The following PDE10A variants were observed in gnomAD, a reference collection of about 807,000 sequenced individuals.
PDE10A encodes the protein cAMP and cAMP-inhibited cGMP 3',5'-cyclic phosphodiesterase 10A.
Under a neutral mutation model 97.7 loss-of-function variants are expected in PDE10A, and 39 were observed. The ratio of observed to expected loss-of-function variants is 0.40; its 90% CI spans 0.31 to 0.52. The LOEUF (loss-of-function observed/expected upper bound fraction) is 0.52. Among genes scored for constraint, PDE10A ranks in the 20% least tolerant of loss-of-function variants. The probability of loss-of-function intolerance (pLI) is 0.56; values close to 1 mark genes in which losing one functional copy is unlikely to be tolerated. For synonymous variants in PDE10A, 371 were observed against 376.8 expected, an observed-to-expected ratio of 0.98 and a Z score of 0.18; for missense variants, 731 against 1,047.8, an observed-to-expected ratio of 0.70 and a Z score of 4.17.
chr6:165,460,571 A>G (rs993450652), intron 3 of PDE10A, among the ~76,000 whole-genome samples: 53 of 152,278 alleles, frequency 3.5e-4, no homozygotes, highest in African/African-American at 1.1e-3. Context: ...CATTTCCATC[A>G]TTTCTCTACA....
chr6:165,826,962 C>G (rs1779777781), intron 1 of PDE10A, among the ~76,000 whole-genome samples: 1 of 151,690 alleles, frequency 6.6e-6, no homozygotes, highest in African/African-American at 2.4e-5. Context: ...GAAGTGGGGA[C>G]AGAGGGACAT....
intron 2 of PDE10A, among the ~76,000 whole-genome samples, chr6:165,513,393 T>C (rs540413483): frequency 6.6e-6 from 1 of 152,268 alleles, no homozygotes; most frequent in Non-Finnish European, 1.5e-5. Flanking sequence ...CATCGATTTG[T>C]ATGCCTATCT....
chr6:165,896,712 G>T (rs796274778), intron 1 of PDE10A, among the ~76,000 whole-genome samples: 3 of 152,182 alleles, frequency 2.0e-5, no homozygotes, highest in African/African-American at 7.2e-5. Flanking sequence ...TTTTAGTAGA[G>T]ATGGGGTTTC....
intron 1 of PDE10A, among the ~76,000 whole-genome samples, chr6:165,645,252 G>A (rs6906819): frequency 0.15 from 23,091 of 152,068 alleles, 1,867 homozygotes; most frequent in South Asian, 0.25. Context: ...CCTCCTGAGC[G>A]GGGGCCTGCT....
intron 1 of PDE10A, among the ~76,000 whole-genome samples, chr6:165,706,291 TC>T (rs1441360668): frequency 2.6e-5 from 4 of 152,196 alleles, no homozygotes; most frequent in African/African-American, 9.6e-5. Flanking sequence ...TTTGCCTTAA[TC>T]CTATGCTTAC....
intron 1 of PDE10A, among the ~76,000 whole-genome samples, chr6:165,796,006 C>A (rs1227007798): frequency 6.6e-6 from 1 of 150,932 alleles, no homozygotes; most frequent in Non-Finnish European, 1.5e-5. Flanking sequence ...CATCTGAAGT[C>A]TTTGCTCATG....
At chr6:165,333,843 G>A (rs1177588344) in intron 21 of PDE10A, among the ~76,000 whole-genome samples, 1 of 152,208 alleles carries the variant, frequency 6.6e-6, no homozygotes, top group Non-Finnish European at 1.5e-5. Context: ...TACCCTGGCA[G>A]AGCTCTTAGC....
chr6:165,636,886 G>C (rs564391069), intron 1 of PDE10A, among the ~76,000 whole-genome samples: 2 of 152,186 alleles, frequency 1.3e-5, no homozygotes, highest in South Asian at 4.1e-4. Flanking sequence ...GCCACTTTTA[G>C]TATCTGTAAA....
intron 1 of PDE10A, among the ~76,000 whole-genome samples, chr6:165,700,196 C>G (rs1294256182): frequency 6.6e-6 from 1 of 152,000 alleles, no homozygotes; most frequent in Non-Finnish European, 1.5e-5. Context: ...AGAAACCAGT[C>G]ACAAGAGACC....
At chr6:165,774,035 C>A (rs1269264840) in intron 1 of PDE10A, among the ~76,000 whole-genome samples, 1 of 151,902 alleles carries the variant, frequency 6.6e-6, no homozygotes, top group Non-Finnish European at 1.5e-5. Context: ...TTTCAATTGT[C>A]TGGAAAATTC....
intron 1 of PDE10A, among the ~76,000 whole-genome samples, chr6:165,626,366 T>C (rs760341521): frequency 6.6e-6 from 1 of 152,234 alleles, no homozygotes; most frequent in South Asian, 2.1e-4. Context: ...ACCTCCACTG[T>C]AGAAAACATG....
intron 1 of PDE10A, among the ~76,000 whole-genome samples, chr6:165,752,376 G>A (rs2934843): frequency 0.57 from 86,015 of 151,924 alleles, 27,848 homozygotes; most frequent in Non-Finnish European, 0.72. Context: ...CAAAGTGAGC[G>A]AGCTGGCCTC....
chr6:165,838,505 A>G (rs1215378267), intron 1 of PDE10A, among the ~76,000 whole-genome samples: 1 of 152,212 alleles, frequency 6.6e-6, no homozygotes, highest in Non-Finnish European at 1.5e-5. Context: ...ACCACTATCT[A>G]CTTCCAAAAC....
intron 1 of PDE10A, among the ~76,000 whole-genome samples, chr6:165,823,306 GACAC>G (rs1779624889): frequency 6.7e-6 from 1 of 149,078 alleles, no homozygotes; most frequent in Non-Finnish European, 1.5e-5. Flanking sequence ...GAAAAACTAA[GACAC>G]ACACACAGCC....
intron 3 of PDE10A, among the ~76,000 whole-genome samples, chr6:165,463,126 G>A (rs2322927): frequency 0.028 from 4,251 of 152,226 alleles, 194 homozygotes; most frequent in African/African-American, 0.095. Context: ...CTCAGTCTGC[G>A]AGCCACAGCC....
chr6:165,438,591 A>G (rs376816572), intron 5 of PDE10A, among the ~76,000 whole-genome samples: 5 of 152,224 alleles, frequency 3.3e-5, no homozygotes, highest in African/African-American at 1.2e-4. Context: ...TTTACAGTAC[A>G]TTTTATGACT....
intron 18 of PDE10A, among the ~76,000 whole-genome samples, chr6:165,365,078 C>T (rs1180070077): frequency 2.6e-5 from 4 of 151,072 alleles, no homozygotes. Flanking sequence ...AAAGAACAGA[C>T]AACAAATAAA....
At chr6:165,498,325 T>TGG (rs1267799098) in intron 2 of PDE10A, among the ~76,000 whole-genome samples, 1 of 147,406 alleles carries the variant, frequency 6.8e-6, no homozygotes, top group Non-Finnish European at 1.5e-5. Context: ...CAGTAGACTG[T>TGG]GGCAGGAGGA....
chr6:165,948,194 A>T (rs1783841185), intron 1 of PDE10A: 1 of 152,174 alleles, frequency 6.6e-6, no homozygotes, highest in East Asian at 1.9e-4. Context: ...TCCACTTAAT[A>T]AAAGTAAGAC....
Sources: allele counts gnomAD v4.1 joint callset (sites outside exome capture counted in the v4.1 genomes callset), GRCh38; gene constraint gnomAD v4.1.1; transcripts MANE v1.5; gene names NCBI Gene and HGNC (gene_info 2026-07-23, HGNC 2026-07-21).